The following MRTFA variants were observed in gnomAD, a reference collection of about 807,000 sequenced individuals.
MRTFA encodes myocardin-related transcription factor A.
Under a neutral mutation model 83.5 loss-of-function variants are expected in MRTFA, and 20 were observed. That is an observed-to-expected ratio of 0.24 (90% CI 0.17 to 0.35). The LOEUF (loss-of-function observed/expected upper bound fraction) is 0.35. Ranked by LOEUF, MRTFA falls within the 10% of genes least tolerant of loss-of-function variation. The pLI is 1.00. For missense variants in MRTFA, 1,200 were observed against 1,224.7 expected, an observed-to-expected ratio of 0.98 and a Z score of 0.30; for synonymous variants, 659 against 541.2, an observed-to-expected ratio of 1.22 and a Z score of -3.02.
intron 2 of MRTFA, among the ~76,000 whole-genome samples, chr22:40,585,283 T>C (rs571613641): frequency 6.6e-6 from 1 of 152,224 alleles, no homozygotes; most frequent in Non-Finnish European, 1.5e-5. Context: ...TAAACTTTTT[T>C]AAAAATCACA....
chr22:40,528,275 G>A (rs1485221167), intron 3 of MRTFA, among the ~76,000 whole-genome samples: 2 of 152,168 alleles, frequency 1.3e-5, no homozygotes, highest in Non-Finnish European at 2.9e-5. Flanking sequence ...ACAGAATCCT[G>A]CAATGGAAAA....
intron 3 of MRTFA, among the ~76,000 whole-genome samples, chr22:40,495,713 CAA>C: frequency 8.0e-6 from 1 of 124,826 alleles, no homozygotes. Context: ...GAGCCGAGAT[CAA>C]GCCACTGCAC....
At chr22:40,586,312 C>T (rs1176135215) in intron 2 of MRTFA, among the ~76,000 whole-genome samples, 1 of 151,492 alleles carries the variant, frequency 6.6e-6, no homozygotes, top group Non-Finnish European at 1.5e-5. Context: ...AAACAATAAC[C>T]AGGCATCACT....
intron 3 of MRTFA, among the ~76,000 whole-genome samples, chr22:40,536,379 C>A (rs1435420643): frequency 6.6e-6 from 1 of 151,268 alleles, no homozygotes; most frequent in Non-Finnish European, 1.5e-5. Context: ...GCGGAGCTGT[C>A]TCAGTCTTTG....
At chr22:40,518,821 AC>A (rs1196702426) in intron 3 of MRTFA, among the ~76,000 whole-genome samples, 2 of 144,118 alleles carry the variant, frequency 1.4e-5, no homozygotes, top group East Asian at 2.1e-4. Context: ...AAAAAAAAAA[AC>A]CAGTGTCTGT....
At chr22:40,626,820 G>T (rs1232928482) in intron 1 of MRTFA, among the ~76,000 whole-genome samples, 2 of 151,682 alleles carry the variant, frequency 1.3e-5, no homozygotes, top group African/African-American at 4.8e-5. Flanking sequence ...AGCTACGATC[G>T]TGCCACTGCG....
chr22:40,470,422 A>ACTG (rs2053889658), intron 3 of MRTFA, among the ~76,000 whole-genome samples: 2 of 151,242 alleles, frequency 1.3e-5, no homozygotes, highest in South Asian at 4.2e-4. Flanking sequence ...ATTTATCAAA[A>ACTG]TTTCTGGAAT....
At chr22:40,633,506 A>G (rs978936533) in intron 1 of MRTFA, among the ~76,000 whole-genome samples, 1 of 152,208 alleles carries the variant, frequency 6.6e-6, no homozygotes, top group African/African-American at 2.4e-5. Flanking sequence ...ATACACTTAA[A>G]TAAGTATTTA....
chr22:40,508,187 G>GA (rs1381938216), intron 3 of MRTFA, among the ~76,000 whole-genome samples: 5 of 151,902 alleles, frequency 3.3e-5, no homozygotes, highest in Admixed American at 6.6e-5. Context: ...GATAGGATGT[G>GA]AAAAAATGTG....
intron 1 of MRTFA, among the ~76,000 whole-genome samples, chr22:40,605,572 G>T (rs1307219031): frequency 6.6e-6 from 1 of 152,190 alleles, no homozygotes; most frequent in African/African-American, 2.4e-5. Context: ...GCAGAGAAGT[G>T]ATGTGATTCC....
intron 2 of MRTFA, among the ~76,000 whole-genome samples, chr22:40,553,155 G>A (rs1241514143): frequency 2.0e-5 from 3 of 152,146 alleles, no homozygotes; most frequent in South Asian, 2.1e-4. Flanking sequence ...ATTTCTAAGC[G>A]GCAAAGCATT....
chr22:40,524,723 T>C (rs1334195732), intron 3 of MRTFA, among the ~76,000 whole-genome samples: 1 of 129,002 alleles, frequency 7.8e-6, no homozygotes. Flanking sequence ...TATGCTTCCA[T>C]CCATCTTCTT....
intron 3 of MRTFA, among the ~76,000 whole-genome samples, chr22:40,470,871 C>A (rs372089392): frequency 2.9e-4 from 44 of 151,922 alleles, no homozygotes; most frequent in African/African-American, 1.0e-3. Context: ...ATCACTTGAA[C>A]CCGGGAGGCG....
Position 40,424,487 on chromosome 22 carries a change from A to G in MRTFA, c.602-106T>C. 4.1e-6 allele frequency: 5 copies of G among 1,224,234 alleles called. No homozygotes were observed. In the East Asian group the frequency reaches 1.3e-4, roughly 33 times the overall value. 75.8% of individuals were successfully genotyped at this position (1,224,234 alleles called of 1,614,324 possible). A position where few individuals can be genotyped will look rare whatever the true frequency, so the allele number is the denominator to read the frequency against. On this transcript the variant is annotated intron_variant, in intron 7 of 14. Coordinates refer to ENST00000355630, the MANE Select transcript of MRTFA (RefSeq NM_020831.6). The stretch of plus-strand genomic sequence containing the variant: ...AGGCAGAGTGCCTGGCCCACAGCCC[A>G]CATGCCCCGTGAGGCAGGCAAGCCG...
rs569969998 is a variant in MRTFA, at chr22:40,572,006, G to GAA, written c.-21-19641_-21-19640dup. ...ACATCACTAGTCATTAGGAAATAAT[G>GAA]AAAAAAAAAACAAAACACAGTGACA... On this transcript the variant is annotated intron_variant, in intron 2 of 14. Transcript: ENST00000355630. 1.3e-4 allele frequency among the ~76,000 whole-genome samples: 18 copies of GAA among 133,578 alleles called. No homozygotes were observed. In the South Asian group the frequency reaches 1.7e-3, roughly 13 times the overall value. 87.6% of individuals were successfully genotyped at this position (133,578 alleles called of 152,430 possible). A position where few individuals can be genotyped will look rare whatever the true frequency, so the allele number is the denominator to read the frequency against.
At chr22:40,457,514 AAAAG>A (rs1342143497) in intron 4 of MRTFA, among the ~76,000 whole-genome samples, 3 of 150,860 alleles carry the variant, frequency 2.0e-5, no homozygotes, top group Admixed American at 6.6e-5. Context: ...GAAAGAAAGA[AAAAG>A]AGAGAGAGAT....
intron 3 of MRTFA, among the ~76,000 whole-genome samples, chr22:40,501,828 G>A (rs2054482920): frequency 1.6e-5 from 1 of 63,792 alleles, no homozygotes; most frequent in Non-Finnish European, 3.0e-5. Flanking sequence ...CCTCCCTCCC[G>A]GACAGGGCGG....
At chr22:40,496,790 C>T (rs6001939) in intron 3 of MRTFA, among the ~76,000 whole-genome samples, 17,947 of 129,194 alleles carry the variant, frequency 0.14, 1,141 homozygotes, top group Middle Eastern at 0.29. Context: ...TTTTCTACAT[C>T]AAATAACTAC....
chr22:40,586,469 A>G (rs1396822974), intron 2 of MRTFA, among the ~76,000 whole-genome samples: 3 of 152,154 alleles, frequency 2.0e-5, no homozygotes, highest in African/African-American at 7.2e-5. Flanking sequence ...ACCAAAACAC[A>G]TTCATAATGG....
Sources: allele counts gnomAD v4.1 joint callset (sites outside exome capture counted in the v4.1 genomes callset), GRCh38; gene constraint gnomAD v4.1.1; transcripts MANE v1.5; gene names NCBI Gene and HGNC (gene_info 2026-07-23, HGNC 2026-07-21).